Variants in ALDH1L1 observed in about 807,000 individuals in gnomAD.
ALDH1L1 encodes the protein aldehyde dehydrogenase 1 family member L1.
A neutral mutation model predicts 101.1 loss-of-function variants in ALDH1L1; 68 were observed. The observed-to-expected ratio is 0.67, with a 90% CI of 0.55 to 0.82. The LOEUF is 0.82. ALDH1L1 is among the 40% of genes least tolerant of loss of function. ALDH1L1 has a pLI of 0.00. For missense variants in ALDH1L1, 1,087 were observed against 1,172.7 expected (o/e 0.93, Z 1.07); for synonymous variants, 486 against 470.8 (o/e 1.03, Z -0.42).
intron 15 of ALDH1L1, 43 bp from the exon 16 acceptor site, chr3:126,124,494 T>A: frequency 6.5e-7 from 1 of 1,533,830 alleles, no homozygotes; most frequent in East Asian, 2.3e-5. Flanking sequence ...AGGAGGTTTT[T>A]GAAAGTGGGG....
chr3:126,192,776 T>TA, intron 1 of ALDH1L1, among the ~76,000 whole-genome samples: 1 of 152,310 alleles, frequency 6.6e-6, no homozygotes, highest in South Asian at 2.1e-4. Flanking sequence ...GTCAGCTTGT[T>TA]AAAAGAAAAA....
chr3:126,154,583 G>T lies in ALDH1L1; in HGVS notation c.691C>A (p.Pro231Thr). ...HNWIRGNDKV[P>T]GAWTEACEQK... ...TCACAGGCCTCTGTCCAGGCTCCCG[G>T]CACCTTGTCGTTCCCGCGGATCCAG... The change falls in exon 6 of 23, where the codon CCG (proline) becomes ACG (threonine). Residue 231 changes from proline (P) to threonine (T), a missense_variant. By Grantham distance (38) the Pro-to-Thr change is conservative. Transcript: ENST00000393434. The T allele has an allele frequency of 6.2e-7, 1 of 1,614,174 alleles. No homozygotes were observed. Among genetic ancestry groups the T allele is most frequent in the Non-Finnish European group, 8.5e-7 (1 of 1,180,030 alleles).
chr3:126,147,709 G>T (rs537432967), intron 8 of ALDH1L1, among the ~76,000 whole-genome samples: 1 of 152,270 alleles, frequency 6.6e-6, no homozygotes, highest in East Asian at 1.9e-4. Context: ...CATGGGCCCA[G>T]GTTGGGGGTG....
At chr3:126,160,045 A>G (rs2081009257) in intron 2 of ALDH1L1, among the ~76,000 whole-genome samples, 1 of 152,124 alleles carries the variant, frequency 6.6e-6, no homozygotes, top group Non-Finnish European at 1.5e-5. Context: ...GGGTCTGTTC[A>G]TCCAAGCTGA....
At chr3:126,158,740 T>C in intron 2 of ALDH1L1, 101 bp from the exon 3 acceptor site, 1 of 1,102,022 alleles carries the variant, frequency 9.1e-7, no homozygotes, top group South Asian at 1.4e-5. Flanking sequence ...TTCTCTCCAT[T>C]CCTGCCCCCT....
chr3:126,163,500 T>C (rs2081104518), intron 1 of ALDH1L1, among the ~76,000 whole-genome samples: 2 of 152,374 alleles, frequency 1.3e-5, no homozygotes, highest in Admixed American at 6.5e-5. Flanking sequence ...TAGTAGTTCC[T>C]GTCTCATTCC....
At chr3:126,177,418 G>C (rs895302450) in intron 1 of ALDH1L1, among the ~76,000 whole-genome samples, 2 of 152,194 alleles carry the variant, frequency 1.3e-5, no homozygotes, top group African/African-American at 4.8e-5. Flanking sequence ...CATGGAGGAT[G>C]CTTAAATGCA....
At chr3:126,117,350 C>T (rs2079990310) in intron 17 of ALDH1L1, among the ~76,000 whole-genome samples, 1 of 151,752 alleles carries the variant, frequency 6.6e-6, no homozygotes, top group African/African-American at 2.4e-5. Flanking sequence ...AACTTGAAAT[C>T]AATATAAAAA....
chr3:126,141,280 T>C (rs907976958), intron 9 of ALDH1L1, among the ~76,000 whole-genome samples: 1 of 152,070 alleles, frequency 6.6e-6, no homozygotes, highest in Non-Finnish European at 1.5e-5. Context: ...ATTTCTACAA[T>C]AGTAGTTAGC....
At chr3:126,138,034 T>C in intron 9 of ALDH1L1, 74 bp from the exon 10 acceptor site, 1 of 1,578,082 alleles carries the variant, frequency 6.3e-7, no homozygotes, top group East Asian at 2.2e-5. Flanking sequence ...GCAGTGGCAG[T>C]GGGGCCAAAC....
In ALDH1L1 at chr3:126,131,524, G is replaced by T. The variant is rs551767657; in HGVS notation, c.1483C>A (p.Leu495Ile). ...AGCTCCTCCTGGTGCTGCTCCATGA[G>T]ATCTGCCAACCTGACCAGGGTGAGG... ...RGRLMYRLAD[L>I]MEQHQEELAT... Residue 495 changes from leucine (L) to isoleucine (I), a missense_variant, in exon 13 of 23, where the codon CTC (leucine) becomes ATC (isoleucine). Around this residue, in one of 2 missense-constraint regions of ALDH1L1, gnomAD observed 442 missense variants for 535.7 expected, o/e 0.83. Transcript: ENST00000393434. 1 of 1,608,094 alleles carries T rather than the reference G, an allele frequency of 6.2e-7. No individual in the cohort carries two copies. Among genetic ancestry groups the T allele is most frequent in the Non-Finnish European group, 8.5e-7 (1 of 1,175,054 alleles).
intron 12 of ALDH1L1, 32 bp downstream of exon 12, chr3:126,135,503 C>T (rs1188299821): frequency 6.3e-7 from 1 of 1,593,466 alleles, no homozygotes; most frequent in South Asian, 1.1e-5. Flanking sequence ...CTGATGGTGG[C>T]AGTGGCTGGC....
chr3:126,157,399 C>T lies in ALDH1L1; in HGVS notation c.472G>A (p.Asp158Asn). 6.2e-7 allele frequency: 1 copy of T among 1,614,028 alleles called. No homozygotes were observed. Among genetic ancestry groups the T allele is most frequent in the Non-Finnish European group, 8.5e-7 (1 of 1,179,984 alleles). ...LQKECEVLPD[D>N]TVSTLYNRFL... ...CGGTTGTACAGCGTGCTCACGGTGT[C>T]GTCCGGGAGCACCTCACACTCCTTC... Residue 158 changes from aspartate to asparagine, a missense_variant, in exon 4 of 23, where the codon GAC becomes AAC. Around this residue, in one of 2 missense-constraint regions of ALDH1L1, gnomAD observed 645 missense variants for 637.0 expected, o/e 1.01. Coordinates refer to ENST00000393434, the MANE Select transcript of ALDH1L1 (RefSeq NM_012190.4).
At chr3:126,117,923 G>T in intron 17 of ALDH1L1, 82 bp downstream of exon 17, 1 of 1,351,500 alleles carries the variant, frequency 7.4e-7, no homozygotes, top group Non-Finnish European at 1.0e-6. Flanking sequence ...TGGGAAGCAG[G>T]ACACAGCTCC....
intron 1 of ALDH1L1, 125 bp downstream of exon 1, chr3:126,180,351 G>C (rs553348627): frequency 4.2e-6 from 3 of 717,950 alleles, no homozygotes; most frequent in Non-Finnish European, 5.1e-6. Context: ...GATGGGCCCC[G>C]CAGGAGCCCT....
chr3:126,183,295 A>G (rs1415517707), upstream of ALDH1L1, among the ~76,000 whole-genome samples: 1 of 152,204 alleles, frequency 6.6e-6, no homozygotes. Flanking sequence ...CCTCAGTGAG[A>G]TCTACAGGAG....
intron 10 of ALDH1L1, 89 bp downstream of exon 10, chr3:126,137,724 T>C (rs2080477888): frequency 6.6e-7 from 1 of 1,507,290 alleles, no homozygotes; most frequent in Non-Finnish European, 8.9e-7. Flanking sequence ...TTTCTGAATG[T>C]CCAGGTTTCC....
At chr3:126,132,757 C>T (rs926106905) in intron 12 of ALDH1L1, among the ~76,000 whole-genome samples, 2 of 152,018 alleles carry the variant, frequency 1.3e-5, no homozygotes, top group African/African-American at 4.8e-5. Flanking sequence ...CCCACCACTA[C>T]AGTTTGTAAC....
chr3:126,142,521 G>T (rs554161523), intron 9 of ALDH1L1, among the ~76,000 whole-genome samples: 43 of 150,786 alleles, frequency 2.9e-4, no homozygotes, highest in Middle Eastern at 3.4e-3. Flanking sequence ...TTAATTCTTG[G>T]AATGCAAGGA....
Sources: gnomAD v4.1 joint callset for allele counts (sites outside exome capture counted in the v4.1 genomes callset) on GRCh38, gnomAD v4.1.1 for gene constraint, gnomAD v4.1.1 regional missense constraint, MANE v1.5 for transcripts, NCBI Gene and HGNC (gene_info 2026-07-23, HGNC 2026-07-21) for gene names.